Variants in ERI1 observed in about 807,000 individuals in gnomAD.
The protein encoded by ERI1 is exoribonuclease 1.
In ERI1, 39 loss-of-function variants were observed where a neutral mutation model predicts 39.7. The observed-to-expected ratio is 0.98, with a 90% CI of 0.76 to 1.28. The LOEUF (loss-of-function observed/expected upper bound fraction) is 1.28, where lower values mean the gene tolerates loss of function less well. Ranked by LOEUF, ERI1 falls within the 50% of genes most tolerant of loss-of-function variation. The pLI, the probability that ERI1 is intolerant of heterozygous loss-of-function variation, is 0.00. For synonymous variants in ERI1, 204 were observed against 149.6 expected (o/e 1.36, Z -2.65); for missense variants, 581 against 416.9 (o/e 1.39, Z -3.43).
intron 3 of ERI1, among the ~76,000 whole-genome samples, chr8:9,086,105 A>G (rs1227089156): frequency 6.6e-6 from 1 of 152,148 alleles, no homozygotes. Flanking sequence ...GGCATTTACC[A>G]TGAATGCTAA....
intron 3 of ERI1, among the ~76,000 whole-genome samples, chr8:9,089,123 T>TAA (rs1311034726): frequency 2.6e-5 from 4 of 152,222 alleles, no homozygotes; most frequent in African/African-American, 9.6e-5. Flanking sequence ...GGAAATAACA[T>TAA]GGTTCCCGCT....
chr8:9,003,246 C>T (rs2953799), intron 1 of ERI1, 75 bp downstream of exon 1: 1 of 895,228 alleles, frequency 1.1e-6, no homozygotes, highest in Non-Finnish European at 1.5e-6. Context: ...CCCCTTTCTT[C>T]TCAGGTGTCC....
intron 3 of ERI1, among the ~76,000 whole-genome samples, chr8:9,071,075 A>G (rs879852435): frequency 2.6e-5 from 4 of 152,186 alleles, no homozygotes; most frequent in Non-Finnish European, 5.9e-5. Context: ...AAAGCAACAT[A>G]TCTTTCTTGG....
intron 3 of ERI1, 148 bp from the exon 4 acceptor site, chr8:9,016,174 G>T: frequency 2.4e-6 from 1 of 420,760 alleles, no homozygotes; most frequent in Non-Finnish European, 4.3e-6. Context: ...GAGTGCTTTC[G>T]ATGTGGGGAA....
intron 4 of ERI1, among the ~76,000 whole-genome samples, chr8:9,017,301 G>C (rs1023036731): frequency 2.0e-5 from 3 of 152,052 alleles, no homozygotes; most frequent in Non-Finnish European, 2.9e-5. Context: ...GTCCCAAAAA[G>C]TGTTGGGATT....
At chr8:9,048,727 C>G (rs1798257641) in intron 3 of ERI1, among the ~76,000 whole-genome samples, 1 of 152,166 alleles carries the variant, frequency 6.6e-6, no homozygotes, top group African/African-American at 2.4e-5. Flanking sequence ...TGACTGCAGC[C>G]TCAATCTCCC....
chr8:9,021,765 GTTTTTTTT>G (rs1817923218), intron 6 of ERI1, among the ~76,000 whole-genome samples: 3 of 51,102 alleles, frequency 5.9e-5, no homozygotes, highest in African/African-American at 2.4e-4. Flanking sequence ...TATATTATTT[GTTTTTTTT>G]GTTTTTTTTT....
At chr8:9,081,815 C>T (rs76463912) in intron 3 of ERI1, among the ~76,000 whole-genome samples, 21,336 of 151,862 alleles carry the variant, frequency 0.14, 1,666 homozygotes, top group Middle Eastern at 0.2. Context: ...GAGGGGTGCT[C>T]CAAAGCCAAG....
At chr8:9,067,027 G>C (rs7838663) in intron 3 of ERI1, among the ~76,000 whole-genome samples, 9,118 of 152,156 alleles carry the variant, frequency 0.06, 697 homozygotes, top group African/African-American at 0.18. Flanking sequence ...ACCTGGCCAA[G>C]GCATTTTACA....
intron 3 of ERI1, among the ~76,000 whole-genome samples, chr8:9,083,918 T>G (rs1198765953): frequency 6.6e-6 from 1 of 152,068 alleles, no homozygotes; most frequent in South Asian, 2.1e-4. Context: ...CTCAGCCTCC[T>G]GAGTAGCTGG....
chr8:9,053,588 C>G (rs996881540), intron 3 of ERI1, among the ~76,000 whole-genome samples: 6 of 152,138 alleles, frequency 3.9e-5, no homozygotes, highest in African/African-American at 1.2e-4. Context: ...CTATGAGTCA[C>G]CGTAGTCTGT....
intron 3 of ERI1, among the ~76,000 whole-genome samples, chr8:9,038,495 C>G (rs552698969): frequency 6.6e-6 from 1 of 152,352 alleles, no homozygotes; most frequent in East Asian, 1.9e-4. Flanking sequence ...TGCAGTGGCA[C>G]ATGCCTGTAA....
downstream of ERI1, among the ~76,000 whole-genome samples, chr8:9,033,493 C>G (rs777488406): frequency 6.6e-6 from 1 of 152,158 alleles, no homozygotes; most frequent in East Asian, 1.9e-4. Flanking sequence ...CCTTACCTCC[C>G]TTATGTAATG....
intron 6 of ERI1, among the ~76,000 whole-genome samples, chr8:9,020,913 TTTTG>T (rs1261699450): frequency 6.6e-6 from 1 of 152,128 alleles, no homozygotes; most frequent in African/African-American, 2.4e-5. Context: ...AAAGCTCTGT[TTTTG>T]TTTTTGTTTT....
chr8:9,068,044 C>T (rs1315447907), intron 3 of ERI1, among the ~76,000 whole-genome samples: 7 of 152,148 alleles, frequency 4.6e-5, no homozygotes, highest in Non-Finnish European at 7.4e-5. Context: ...CAATTTTGCT[C>T]AAAGCTTTAT....
intron 4 of ERI1, among the ~76,000 whole-genome samples, 171 bp from the exon 5 acceptor site, chr8:9,018,126 A>G (rs1291545925): frequency 6.6e-6 from 1 of 152,250 alleles, no homozygotes; most frequent in Non-Finnish European, 1.5e-5. Flanking sequence ...TGAAATTTTT[A>G]GAATTTCTTA....
intron 1 of ERI1, among the ~76,000 whole-genome samples, chr8:9,007,160 T>C (rs1052067290): frequency 2.6e-5 from 4 of 152,242 alleles, no homozygotes; most frequent in African/African-American, 9.6e-5. Context: ...AGTCATGTTT[T>C]TTCTTAACAG....
At chr8:9,091,256 C>T (rs34612945) in intron 3 of ERI1, 19,898 of 152,232 alleles carry the variant, frequency 0.13, 1,395 homozygotes, top group African/African-American at 0.17. Flanking sequence ...AGCAGTGGCT[C>T]ACGCCTGTAA....
At chr8:9,010,586 CATT>C (rs1231714965) in intron 2 of ERI1, among the ~76,000 whole-genome samples, 5 of 152,044 alleles carry the variant, frequency 3.3e-5, no homozygotes, top group Non-Finnish European at 7.4e-5. Flanking sequence ...TTTAAATAGT[CATT>C]AATCAGTTAA....
Sources: allele counts gnomAD v4.1 joint callset (sites outside exome capture counted in the v4.1 genomes callset), GRCh38; gene constraint gnomAD v4.1.1; transcripts MANE v1.5; gene names NCBI Gene and HGNC (gene_info 2026-07-23, HGNC 2026-07-21).